The following PRR16 variants were observed in gnomAD, a reference collection of about 807,000 sequenced individuals.
The protein encoded by PRR16 is proline rich 16.
PRR16 carries 6 observed loss-of-function variants against 18.2 expected under a neutral mutation model. That is an observed-to-expected ratio of 0.33 (90% confidence interval 0.18 to 0.65). PRR16 has a LOEUF of 0.65. PRR16 is among the 30% of genes least tolerant of loss of function. The pLI is 0.74. For missense variants in PRR16, 412 were observed against 376.6 expected (o/e 1.09, Z -0.78); for synonymous variants, 151 against 147.8 (o/e 1.02, Z -0.16).
the PRR16 span, among the ~76,000 whole-genome samples, chr5:120,755,575 T>C: frequency 1.3e-5 from 2 of 152,154 alleles, no homozygotes; most frequent in African/African-American, 4.8e-5. Flanking sequence ...TCCATTTTTA[T>C]GGCTGCATAG....
At chr5:120,490,133 G>T (rs1378510823) in intron 1 of PRR16, among the ~76,000 whole-genome samples, 2 of 152,002 alleles carry the variant, frequency 1.3e-5, no homozygotes, top group Non-Finnish European at 2.9e-5. Flanking sequence ...ATGTGTCTTG[G>T]AGTTGCTGTT....
At chr5:120,667,675 A>C (rs1163311377) in intron 1 of PRR16, among the ~76,000 whole-genome samples, 2 of 151,850 alleles carry the variant, frequency 1.3e-5, no homozygotes, top group African/African-American at 4.8e-5. Context: ...CGTTGGTTTC[A>C]AAGAACATCT....
At chr5:120,511,598 G>A (rs1561524272) in intron 1 of PRR16, among the ~76,000 whole-genome samples, 1 of 152,156 alleles carries the variant, frequency 6.6e-6, no homozygotes, top group Non-Finnish European at 1.5e-5. Flanking sequence ...TACTGTCACT[G>A]CTTATGGTAG....
chr5:120,711,683 G>C, the PRR16 span, among the ~76,000 whole-genome samples: 3 of 152,156 alleles, frequency 2.0e-5, no homozygotes, highest in African/African-American at 7.2e-5. Context: ...AAGCTGTGCT[G>C]TACAAAGTCC....
chr5:120,704,917 T>A, the PRR16 span, among the ~76,000 whole-genome samples: 3 of 152,176 alleles, frequency 2.0e-5, no homozygotes, highest in Admixed American at 6.5e-5. Context: ...TCAAAAAGTT[T>A]ACGTGGAGCA....
intron 1 of PRR16, among the ~76,000 whole-genome samples, chr5:120,515,972 T>A (rs553791877): frequency 6.6e-6 from 1 of 152,222 alleles, no homozygotes; most frequent in Non-Finnish European, 1.5e-5. Context: ...AAATCTGTAG[T>A]GTTTTTCTTT....
intron 1 of PRR16, among the ~76,000 whole-genome samples, chr5:120,677,081 A>T (rs1756822090): frequency 6.6e-6 from 1 of 152,218 alleles, no homozygotes; most frequent in Admixed American, 6.5e-5. Flanking sequence ...ACACATATCA[A>T]TTCATATACA....
At chr5:120,586,713 G>A (rs1002580263) in intron 1 of PRR16, among the ~76,000 whole-genome samples, 17 of 151,994 alleles carry the variant, frequency 1.1e-4, no homozygotes, top group East Asian at 1.9e-4. Context: ...GGCCATTTCC[G>A]TCTTTCTTCC....
the PRR16 span, among the ~76,000 whole-genome samples, chr5:120,792,541 T>C: frequency 6.6e-6 from 1 of 152,224 alleles, no homozygotes; most frequent in Non-Finnish European, 1.5e-5. Context: ...GGTTTCATTT[T>C]TATCTCGAAA....
chr5:120,678,614 A>G (rs1175397465), intron 1 of PRR16, among the ~76,000 whole-genome samples: 1 of 152,210 alleles, frequency 6.6e-6, no homozygotes, highest in Non-Finnish European at 1.5e-5. Flanking sequence ...GGAGCTTAGG[A>G]AAAGGATCTA....
At chr5:120,763,084 G>A in the PRR16 span, among the ~76,000 whole-genome samples, 1 of 152,026 alleles carries the variant, frequency 6.6e-6, no homozygotes, top group Non-Finnish European at 1.5e-5. Flanking sequence ...TCAGTTGGCT[G>A]TAAATATGTG....
the PRR16 span, among the ~76,000 whole-genome samples, chr5:120,757,505 G>C: frequency 6.6e-6 from 1 of 151,710 alleles, no homozygotes; most frequent in Admixed American, 6.6e-5. Flanking sequence ...TGTTTTCTGG[G>C]TGAAAATTTG....
rs533713318 is a variant in PRR16, at chr5:120,551,632, C to T, written c.159+86987C>T. Among the ~76,000 whole-genome samples, 484 of 152,040 alleles carry T rather than the reference C, an allele frequency of 3.2e-3. 1 individual carries two copies. Among genetic ancestry groups the T allele is most frequent in the African/African-American group, 0.011 (446 of 41,508 alleles). On this transcript the variant is annotated intron_variant, in intron 1 of 1. Coordinates refer to ENST00000407149, the MANE Select transcript of PRR16 (RefSeq NM_001300783.2). ...TGTGTGTTAAATGCAATGTTTTCTA[C>T]GAACTACCAATGATTGTTTTGATCA...
intron 1 of PRR16, among the ~76,000 whole-genome samples, chr5:120,510,702 T>C (rs1750799245): frequency 6.6e-6 from 1 of 152,272 alleles, no homozygotes; most frequent in Middle Eastern, 3.4e-3. Context: ...TACCATGGTC[T>C]CCAGATTGGA....
At chr5:120,784,485 T>TG in the PRR16 span, among the ~76,000 whole-genome samples, 1 of 152,196 alleles carries the variant, frequency 6.6e-6, no homozygotes, top group Non-Finnish European at 1.5e-5. Context: ...TGTATATGCC[T>TG]GTTGGCAAAG....
the PRR16 span, among the ~76,000 whole-genome samples, chr5:120,744,190 C>T: frequency 6.6e-6 from 1 of 151,906 alleles, no homozygotes; most frequent in South Asian, 2.1e-4. Flanking sequence ...GGGCCTGGGG[C>T]AAGTTTTATG....
chr5:120,597,353 G>T, intron 1 of PRR16, among the ~76,000 whole-genome samples: 2 of 150,904 alleles, frequency 1.3e-5, no homozygotes, highest in African/African-American at 2.4e-5. Flanking sequence ...TGTATTCCAG[G>T]GTTATAAAAC....
intron 1 of PRR16, among the ~76,000 whole-genome samples, chr5:120,678,075 A>C (rs1022442307): frequency 1.3e-5 from 2 of 151,826 alleles, no homozygotes; most frequent in Non-Finnish European, 2.9e-5. Context: ...ACGCCTGGCT[A>C]ATTTTTTGTA....
intron 1 of PRR16, among the ~76,000 whole-genome samples, chr5:120,498,921 A>G (rs1433007590): frequency 6.6e-6 from 1 of 151,868 alleles, no homozygotes; most frequent in Non-Finnish European, 1.5e-5. Context: ...TGTAGATAAT[A>G]TGTTATTTTT....
Sources: gnomAD v4.1 joint callset for allele counts (sites outside exome capture counted in the v4.1 genomes callset) on GRCh38, gnomAD v4.1.1 for gene constraint, MANE v1.5 for transcripts, NCBI Gene and HGNC (gene_info 2026-07-23, HGNC 2026-07-21) for gene names.